Variants in PEX5L observed in about 807,000 individuals in gnomAD.
PEX5L encodes the protein peroxisomal biogenesis factor 5 like.
A neutral mutation model predicts 84.0 loss-of-function variants in PEX5L; 30 were observed. The ratio of observed to expected loss-of-function variants is 0.36; its 90% CI spans 0.27 to 0.48. PEX5L has a LOEUF of 0.48. Ranked by LOEUF, PEX5L falls within the 20% of genes least tolerant of loss-of-function variation. PEX5L has a pLI of 0.99. For missense variants in PEX5L, 533 were observed against 754.6 expected, an observed-to-expected ratio of 0.71 and a Z score of 3.44; for synonymous variants, 270 against 283.1, an observed-to-expected ratio of 0.95 and a Z score of 0.46.
intron 7 of PEX5L, among the ~76,000 whole-genome samples, chr3:179,862,457 C>T (rs955068952): frequency 7.9e-5 from 12 of 152,134 alleles, no homozygotes; most frequent in African/African-American, 2.9e-4. Context: ...ATGTTAACTC[C>T]AACGGTGATA....
chr3:179,828,844 C>T (rs1328562752), intron 8 of PEX5L, among the ~76,000 whole-genome samples: 1 of 152,178 alleles, frequency 6.6e-6, no homozygotes, highest in East Asian at 1.9e-4. Flanking sequence ...TACGTGATTG[C>T]TTCCAGTGAA....
chr3:180,030,154 G>A (rs1407303792), intron 1 of PEX5L, among the ~76,000 whole-genome samples: 1 of 152,058 alleles, frequency 6.6e-6, no homozygotes, highest in Non-Finnish European at 1.5e-5. Flanking sequence ...TACTTTAGTC[G>A]ACTACAACCA....
chr3:179,933,156 C>A (rs1190466705), intron 2 of PEX5L, among the ~76,000 whole-genome samples: 2 of 152,188 alleles, frequency 1.3e-5, no homozygotes, highest in African/African-American at 2.4e-5. Flanking sequence ...TAATGAATGA[C>A]CCCTGACTTT....
chr3:180,014,980 CAT>C (rs1402166277), intron 1 of PEX5L, among the ~76,000 whole-genome samples: 7 of 152,166 alleles, frequency 4.6e-5, no homozygotes, highest in Middle Eastern at 3.2e-3. Flanking sequence ...TCAGCACTGA[CAT>C]AGAGCATAAA....
At chr3:179,847,456 A>G (rs1234429466) in intron 8 of PEX5L, among the ~76,000 whole-genome samples, 1 of 152,158 alleles carries the variant, frequency 6.6e-6, no homozygotes, top group Admixed American at 6.5e-5. Flanking sequence ...CTTAATCAAT[A>G]GGAAGTATTT....
chr3:179,973,412 A>G, intron 1 of PEX5L: 1 of 1,109,056 alleles, frequency 9.0e-7, no homozygotes, highest in Non-Finnish European at 1.1e-6. Context: ...ATTTTTGGCT[A>G]GCACAAAAAA....
chr3:180,036,530 CTTAAA>C, intron 1 of PEX5L, 44 bp downstream of exon 1: 1 of 1,588,754 alleles, frequency 6.3e-7, no homozygotes, highest in Non-Finnish European at 8.6e-7. Context: ...CCGCCTTGCT[CTTAAA>C]TTAGCCCCCA....
intron 9 of PEX5L, among the ~76,000 whole-genome samples, chr3:179,818,708 T>C (rs949215614): frequency 6.6e-6 from 1 of 152,146 alleles, no homozygotes; most frequent in African/African-American, 2.4e-5. Context: ...ATATGAAGTC[T>C]GTCTTTCTGT....
intron 1 of PEX5L, among the ~76,000 whole-genome samples, chr3:179,987,624 T>C (rs775464042): frequency 6.6e-6 from 1 of 152,164 alleles, no homozygotes; most frequent in South Asian, 2.1e-4. Flanking sequence ...TCAAGCAGCA[T>C]GAAGAGTTCT....
At chr3:179,931,311 C>G (rs1773045737) in intron 2 of PEX5L, among the ~76,000 whole-genome samples, 1 of 152,144 alleles carries the variant, frequency 6.6e-6, no homozygotes, top group Non-Finnish European at 1.5e-5. Context: ...GCAAAGGCCT[C>G]AAAGGACATC....
intron 7 of PEX5L, among the ~76,000 whole-genome samples, chr3:179,860,107 A>C (rs139521069): frequency 0.011 from 1,604 of 145,406 alleles, 16 homozygotes; most frequent in Non-Finnish European, 0.017. Flanking sequence ...TACCTTGGAG[A>C]GTTTCCATTT....
chr3:179,809,666 C>T lies in PEX5L; in HGVS notation c.1157G>A (p.Cys386Tyr), dbSNP rs756094376. Residue 386 changes from cysteine to tyrosine, a missense_variant and splice_region_variant, in exon 12 of 15, where the codon TGC becomes TAC. By Grantham distance (194) the Cys-to-Tyr change is radical. This residue lies in a region of PEX5L where 32 missense variants were observed against 45.5 expected (regional missense o/e 0.70). Transcript: ENST00000467460. Reference protein sequence around the residue: ...EQAAIVALQRCLELQPNNLKA... With the variant: ...EQAAIVALQRYLELQPNNLKA... Reference sequence around the variant, plus strand: ...TAAGTTGTTGGGCTGTAATTCTAAGCACCTGAAAAAAAAAAAGAAGCCAAT... The same window carrying T: ...TAAGTTGTTGGGCTGTAATTCTAAGTACCTGAAAAAAAAAAAGAAGCCAAT... The T allele has an allele frequency of 6.8e-7, 1 of 1,480,432 alleles. No individual in the cohort carries two copies. The highest frequency in any genetic ancestry group is 8.9e-7 in the Non-Finnish European group (1 of 1,126,824). The allele number at this position is 1,480,432 out of a possible 1,614,324, so 91.7% of individuals were successfully genotyped here.
chr3:179,877,379 C>T (rs1752763208), intron 5 of PEX5L, among the ~76,000 whole-genome samples: 1 of 152,162 alleles, frequency 6.6e-6, no homozygotes, highest in African/African-American at 2.4e-5. Flanking sequence ...CTTTTACAAC[C>T]TTTTCATAGG....
At chr3:179,845,423 T>C (rs184594113) in intron 8 of PEX5L, among the ~76,000 whole-genome samples, 5 of 152,292 alleles carry the variant, frequency 3.3e-5, no homozygotes, top group Admixed American at 2.0e-4. Flanking sequence ...CTTTCCTTAG[T>C]CTCTTTCCAT....
intron 1 of PEX5L, among the ~76,000 whole-genome samples, chr3:180,017,478 T>C (rs1407432421): frequency 6.6e-6 from 1 of 152,172 alleles, no homozygotes. Flanking sequence ...TTAAAAACCA[T>C]TCTATTTGAT....
At chr3:179,907,832 A>G (rs1287449898) in intron 2 of PEX5L, among the ~76,000 whole-genome samples, 1 of 152,148 alleles carries the variant, frequency 6.6e-6, no homozygotes, top group African/African-American at 2.4e-5. Context: ...TTGTAGACTC[A>G]AGTTGAAGCC....
rs115163741 is a variant in PEX5L, at chr3:180,026,935, A to G, written c.21+9644T>C. 9.4e-3 allele frequency among the ~76,000 whole-genome samples: 1,429 copies of G among 152,332 alleles called. 35 individuals are homozygous for G. The highest frequency in any genetic ancestry group is 0.032 in the African/African-American group (1,328 of 41,576). ...CACTCTCAGTCTTGGTGAGAAGCCA[A>G]TATGCACTTTTACAGACTATCTTGG... On this transcript the variant is annotated intron_variant, in intron 1 of 14. Transcript: ENST00000467460.
rs143643670 is a variant in PEX5L at position 179,999,934 on chromosome 3, A to C, written c.22-28269T>G. ...GCCAACTAGGTGACAATACTTTGCAAGCCTGGGGCAAAGTTCTCCAGAAGG... is the reference window on the plus strand; with the variant it reads ...GCCAACTAGGTGACAATACTTTGCACGCCTGGGGCAAAGTTCTCCAGAAGG... On this transcript the variant is annotated intron_variant, in intron 1 of 14. Coordinates refer to ENST00000467460, the MANE Select transcript of PEX5L (RefSeq NM_016559.3). Among the ~76,000 whole-genome samples the C allele has an allele frequency of 2.8e-3, 430 of 152,298 alleles. 1 individual carries two copies. Among genetic ancestry groups the C allele is most frequent in the African/African-American group, 9.3e-3 (387 of 41,552 alleles).
At chr3:179,861,551 C>T (rs1223692075) in intron 7 of PEX5L, among the ~76,000 whole-genome samples, 1 of 152,214 alleles carries the variant, frequency 6.6e-6, no homozygotes, top group Admixed American at 6.5e-5. Context: ...TACCTCTGGG[C>T]TTGCAGGAGC....
Sources: gnomAD v4.1 joint callset for allele counts (sites outside exome capture counted in the v4.1 genomes callset) on GRCh38, gnomAD v4.1.1 for gene constraint, gnomAD v4.1.1 regional missense constraint, MANE v1.5 for transcripts, NCBI Gene and HGNC (gene_info 2026-07-23, HGNC 2026-07-21) for gene names.